TXNRD1: variants seen among roughly 807,000 people sequenced by gnomAD.
The protein encoded by TXNRD1 is thioredoxin reductase 1.
Under a neutral mutation model 80.3 loss-of-function variants are expected in TXNRD1, and 57 were observed. That is an observed-to-expected ratio of 0.71 (90% CI 0.57 to 0.89). TXNRD1 has a LOEUF of 0.89. TXNRD1 is among the 40% of genes least tolerant of loss of function. TXNRD1 has a pLI of 0.00. For synonymous variants in TXNRD1, 291 were observed against 285.2 expected (o/e 1.02, Z -0.20); for missense variants, 730 against 803.0 (o/e 0.91, Z 1.10).
At chr12:104,337,611 C>T (rs561879044) in intron 15 of TXNRD1, among the ~76,000 whole-genome samples, 1 of 152,020 alleles carries the variant, frequency 6.6e-6, no homozygotes, top group Admixed American at 6.5e-5. Context: ...AATCCCAGCA[C>T]TTTGGGAGGC....
intron 1 of TXNRD1, among the ~76,000 whole-genome samples, chr12:104,219,885 G>A (rs1041138394): frequency 5.9e-5 from 9 of 151,928 alleles, no homozygotes; most frequent in Middle Eastern, 3.4e-3. Context: ...TTCAAAGTGC[G>A]GTCCTAAGAC....
At chr12:104,230,609 C>T (rs1413995755) in intron 1 of TXNRD1, among the ~76,000 whole-genome samples, 3 of 152,100 alleles carry the variant, frequency 2.0e-5, no homozygotes, top group Non-Finnish European at 4.4e-5. Context: ...TGTTTATCTT[C>T]TTTGGATAAA....
intron 7 of TXNRD1, among the ~76,000 whole-genome samples, chr12:104,316,125 T>TA (rs2035317016): frequency 6.6e-6 from 1 of 152,222 alleles, no homozygotes; most frequent in Admixed American, 6.5e-5. Context: ...AATATAAAAT[T>TA]AGAGTTCTTT....
chr12:104,290,415 G>T (rs1412230307), intron 4 of TXNRD1, among the ~76,000 whole-genome samples: 2 of 151,810 alleles, frequency 1.3e-5, no homozygotes, highest in Non-Finnish European at 2.9e-5. Context: ...TTCCTGGCCG[G>T]GTGCGGTGGC....
chr12:104,285,713 T>TA (rs1456449291), intron 3 of TXNRD1, among the ~76,000 whole-genome samples: 1 of 152,214 alleles, frequency 6.6e-6, no homozygotes, highest in Non-Finnish European at 1.5e-5. Flanking sequence ...TTCGGTAGAC[T>TA]AAATGAGATA....
chr12:104,293,550 A>G (rs1395526698), intron 4 of TXNRD1, among the ~76,000 whole-genome samples: 3 of 152,068 alleles, frequency 2.0e-5, no homozygotes, highest in Admixed American at 2.0e-4. Context: ...TCCTGGGCTT[A>G]ACCCATCCTC....
chr12:104,275,529 A>G (rs998215526), intron 3 of TXNRD1, among the ~76,000 whole-genome samples: 1 of 151,742 alleles, frequency 6.6e-6, no homozygotes, highest in African/African-American at 2.4e-5. Flanking sequence ...GATTACAGGC[A>G]TGCACCACCA....
At chr12:104,332,106 T>A (rs888842137) in intron 14 of TXNRD1, among the ~76,000 whole-genome samples, 5 of 152,196 alleles carry the variant, frequency 3.3e-5, no homozygotes, top group Admixed American at 6.6e-5. Flanking sequence ...AAAATAAAAA[T>A]TTTTCACTGC....
At chr12:104,344,341 G>A (rs1462974788) in intron 16 of TXNRD1, among the ~76,000 whole-genome samples, 1 of 151,616 alleles carries the variant, frequency 6.6e-6, no homozygotes, top group African/African-American at 2.4e-5. Context: ...TACATATTGT[G>A]AAAAAGCTCC....
chr12:104,238,021 G>A (rs527693801), intron 1 of TXNRD1, among the ~76,000 whole-genome samples: 4 of 151,122 alleles, frequency 2.6e-5, no homozygotes, highest in African/African-American at 9.7e-5. Context: ...AAAAAAAAAA[G>A]AAAAAAAGAA....
Position 104,315,871 on chromosome 12 carries a change from T to G in TXNRD1, c.705T>G (p.Asn235Lys). The change falls in exon 7 of 17, where the codon AAT (asparagine) becomes AAG (lysine). Residue 235 changes from asparagine (N) to lysine (K), a missense_variant. Coordinates refer to ENST00000525566, the MANE Select transcript of TXNRD1 (RefSeq NM_001093771.3). ...GACAAGCCCTGCAAGACTCTCGAAA[T>G]TATGGATGGAAAGTCGAGGAGACAG... ...LLGQALQDSR[N>K]YGWKVEETVK... 1 of 1,611,356 alleles carries G rather than the reference T, an allele frequency of 6.2e-7. No individual in the cohort carries two copies. The highest frequency in any genetic ancestry group is 1.1e-5 in the South Asian group (1 of 90,960).
In TXNRD1 at chr12:104,321,078, T is replaced by C; in HGVS notation, c.990-13T>C. Reference sequence around the variant, plus strand: ...TTTTTCTTCTTTCTTCCTTTTTTTTTTTTTTCCCCCAGTGATGATCTTTTC... The same window carrying C: ...TTTTTCTTCTTTCTTCCTTTTTTTTCTTTTTCCCCCAGTGATGATCTTTTC... On this transcript the variant is annotated splice_polypyrimidine_tract_variant and intron_variant, in intron 9 of 16. Coordinates refer to ENST00000525566, the MANE Select transcript of TXNRD1 (RefSeq NM_001093771.3). The C allele has an allele frequency of 6.5e-7, 1 of 1,545,230 alleles. No homozygotes were observed. The highest frequency in any genetic ancestry group is 8.8e-7 in the Non-Finnish European group (1 of 1,140,290).
chr12:104,287,581 C>G, intron 3 of TXNRD1: 2 of 1,460,920 alleles, frequency 1.4e-6, no homozygotes, highest in Admixed American at 2.0e-5. Flanking sequence ...CTCAGAAATC[C>G]TGAGACGTTG....
At chr12:104,338,016 G>C (rs997232169) in intron 15 of TXNRD1, among the ~76,000 whole-genome samples, 7 of 140,690 alleles carry the variant, frequency 5.0e-5, no homozygotes, top group South Asian at 2.3e-4. Flanking sequence ...GGCTGGTCTT[G>C]AATGCCTGGC....
At chr12:104,267,347 G>A (rs1311427911) in intron 3 of TXNRD1, among the ~76,000 whole-genome samples, 1 of 141,506 alleles carries the variant, frequency 7.1e-6, no homozygotes, top group Non-Finnish European at 1.5e-5. Context: ...GTATGATCTT[G>A]GCTCACTGCA....
At chr12:104,280,817 AGCCTTGG>A (rs1185430910) in intron 3 of TXNRD1, 1 of 152,152 alleles carries the variant, frequency 6.6e-6, no homozygotes, top group Non-Finnish European at 1.5e-5. Context: ...CCTATCAGCC[AGCCTTGG>A]AGTTTTCAGA....
At chr12:104,323,678 G>A (rs1449488016) in intron 10 of TXNRD1, among the ~76,000 whole-genome samples, 3 of 116,242 alleles carry the variant, frequency 2.6e-5, no homozygotes, top group Non-Finnish European at 3.6e-5. Context: ...CGGGCGGGGG[G>A]CTGACACCCC....
At chr12:104,348,136 C>A (rs908826928) in intron 16 of TXNRD1, among the ~76,000 whole-genome samples, 4 of 152,180 alleles carry the variant, frequency 2.6e-5, no homozygotes, top group African/African-American at 9.7e-5. Context: ...GTAGATATAA[C>A]CTAAATTTTT....
intron 4 of TXNRD1, among the ~76,000 whole-genome samples, chr12:104,297,191 G>A (rs2034461902): frequency 1.3e-5 from 2 of 151,288 alleles, no homozygotes. Flanking sequence ...TGTAATCCCA[G>A]CTACTCAGGA....
Sources: allele counts gnomAD v4.1 joint callset (sites outside exome capture counted in the v4.1 genomes callset), GRCh38; gene constraint gnomAD v4.1.1; transcripts MANE v1.5; gene names NCBI Gene and HGNC (gene_info 2026-07-23, HGNC 2026-07-21).